Variants in KIF21A observed in about 807,000 individuals in gnomAD.
KIF21A encodes kinesin-like protein KIF21A.
A neutral mutation model predicts 202.9 loss-of-function variants in KIF21A; 114 were observed. The ratio of observed to expected loss-of-function variants is 0.56; its 90% CI spans 0.48 to 0.66. The LOEUF (loss-of-function observed/expected upper bound fraction) is 0.66, where lower values mean the gene tolerates loss of function less well. Among genes scored for constraint, KIF21A ranks in the 30% least tolerant of loss-of-function variants. The probability of loss-of-function intolerance (pLI) is 0.00; values close to 1 mark genes in which losing one functional copy is unlikely to be tolerated. For synonymous variants in KIF21A, 667 were observed against 670.8 expected (o/e 0.99, Z 0.09); for missense variants, 1,677 against 1,994.9 (o/e 0.84, Z 3.04).
At position 39,305,452 on chromosome 12, in the gene KIF21A, T is replaced by C. The variant is rs1943379532; in HGVS notation, c.4443-514A>G. ...CGGTGGCTATTCACAGGCATGATCA[T>C]GGCACACTGCAGTCTCAATCTCCTG... On this transcript the variant is annotated intron_variant, in intron 34 of 37. Coordinates refer to ENST00000361418, the MANE Select transcript of KIF21A (RefSeq NM_001173464.2). Among the ~76,000 whole-genome samples, 4 of 151,406 alleles carry C rather than the reference T, an allele frequency of 2.6e-5. No homozygotes were observed. The East Asian group carries it at 5.9e-4, about 22-fold the overall frequency.
At chr12:39,335,859 C>T (rs1288604732) in intron 17 of KIF21A, among the ~76,000 whole-genome samples, 1 of 152,110 alleles carries the variant, frequency 6.6e-6, no homozygotes, top group Non-Finnish European at 1.5e-5. Context: ...AAGAAATAAA[C>T]ATAACCAAAA....
intron 30 of KIF21A, 152 bp from the exon 31 acceptor site, chr12:39,315,392 AAC>A (rs1944423237): frequency 4.3e-6 from 3 of 703,822 alleles, no homozygotes; most frequent in Admixed American, 2.4e-5. Context: ...GAAAAAAAAT[AAC>A]AGTTATTTTT....
At position 39,436,438 on chromosome 12, in the gene KIF21A, ATATATATATATTTTTT is replaced by A. The variant is rs1361176781; in HGVS notation, c.44+6473_44+6488del. Reference sequence around the variant, plus strand: ...TTTACTATATTATATATATATATATATATATATATATTTTTTTTTTTTTTAGACAGGGTTTCATGTT... The same window carrying A: ...TTTACTATATTATATATATATATATATTTTTTTTAGACAGGGTTTCATGTT... On this transcript the variant is annotated intron_variant, in intron 1 of 37. Transcript: ENST00000361418. Among the ~76,000 whole-genome samples, 14 of 121,814 alleles carry A rather than the reference ATATATATATATTTTTT, an allele frequency of 1.1e-4. 1 individual carries two copies. The South Asian group carries it at 3.9e-3, about 34-fold the overall frequency. The allele number at this position is 121,814 out of a possible 152,430, so 79.9% of individuals were successfully genotyped here.
chr12:39,363,332 G>A (rs1342339101), intron 6 of KIF21A, 119 bp from the exon 7 acceptor site: 1 of 639,282 alleles, frequency 1.6e-6, no homozygotes. Flanking sequence ...GAATATTTGT[G>A]TTTGGTTTTG....
At chr12:39,341,126 G>C (rs1475388089) in intron 14 of KIF21A, 32 bp from the exon 15 acceptor site, 9 of 1,472,790 alleles carry the variant, frequency 6.1e-6, no homozygotes, top group Non-Finnish European at 8.4e-6. Context: ...AAAAATCCTG[G>C]TGCTAGGCCA....
intron 31 of KIF21A, 175 bp from the exon 32 acceptor site, chr12:39,311,728 A>T: frequency 1.5e-6 from 1 of 650,618 alleles, no homozygotes; most frequent in Non-Finnish European, 2.7e-6. Context: ...AATAATAGTG[A>T]TGGAGTATAT....
Position 39,421,866 on chromosome 12 carries a change from T to C in KIF21A, c.44+21061A>G, listed in dbSNP as rs1192853216. Reference sequence around the variant, plus strand: ...TACATATATAATTTATATATATAAATAATAAACATATATATGGCAGAAATA... The same window carrying C: ...TACATATATAATTTATATATATAAACAATAAACATATATATGGCAGAAATA... On this transcript the variant is annotated intron_variant, in intron 1 of 37. Coordinates refer to ENST00000361418, the MANE Select transcript of KIF21A (RefSeq NM_001173464.2). Among the ~76,000 whole-genome samples the C allele has an allele frequency of 2.0e-5, 3 of 147,712 alleles. No homozygotes were observed. The East Asian group carries it at 5.9e-4, about 29-fold the overall frequency.
Position 39,367,154 on chromosome 12 carries a change from C to T in KIF21A, c.611G>A (p.Cys204Tyr), listed in dbSNP as rs746150457. 3.1e-5 allele frequency: 50 copies of T among 1,613,906 alleles called. No homozygotes were observed. Among genetic ancestry groups the T allele is most frequent in the Non-Finnish European group, 4.2e-5 (50 of 1,179,886 alleles). Reference sequence around the variant, plus strand: ...CCGGGATAAAGCACCCAACTTCAAACACTGCATCATCTGAAAAAGGGGAAG... The same window carrying T: ...CCGGGATAAAGCACCCAACTTCAAATACTGCATCATCTGAAAAAGGGGAAG... ...TVNTESEMMQCLKLGALSRTT... is the reference protein window; with the variant it reads ...TVNTESEMMQYLKLGALSRTT... The change falls in exon 5 of 38, where the codon TGT becomes TAT. Residue 204 changes from cysteine to tyrosine, a missense_variant. By Grantham distance (194) the Cys-to-Tyr change is radical. This residue lies in a region of KIF21A where 966 missense variants were observed against 1,180.9 expected (regional missense o/e 0.82). Transcript: ENST00000361418.
chr12:39,314,028 T>A (rs2137449755), intron 31 of KIF21A, among the ~76,000 whole-genome samples: 1 of 151,502 alleles, frequency 6.6e-6, no homozygotes, highest in African/African-American at 2.4e-5. Flanking sequence ...AGAGCTGTCA[T>A]ATATAAACAA....
chr12:39,440,296 G>A (rs895137355), intron 1 of KIF21A, among the ~76,000 whole-genome samples: 1 of 152,168 alleles, frequency 6.6e-6, no homozygotes, highest in Non-Finnish European at 1.5e-5. Flanking sequence ...CACTTCCGCA[G>A]GGTTAATGGT....
At position 39,330,106 on chromosome 12, in the gene KIF21A, C is replaced by T. The variant is rs192222296; in HGVS notation, c.3340+136G>A. 1.9e-4 allele frequency: 140 copies of T among 749,332 alleles called. No homozygotes were observed. The African/African-American group carries it at 2.2e-3, about 12-fold the overall frequency. The allele number at this position is 749,332 out of a possible 1,614,324, so 46.4% of individuals were successfully genotyped here. On this transcript the variant is annotated intron_variant, in intron 24 of 37. Coordinates refer to ENST00000361418, the MANE Select transcript of KIF21A (RefSeq NM_001173464.2). ...CTTAGTGTGTTTGTGGGCATGGATACATTTCAAAAAAGATCATGCAAAAAC... is the reference window on the plus strand; with the variant it reads ...CTTAGTGTGTTTGTGGGCATGGATATATTTCAAAAAAGATCATGCAAAAAC...
chr12:39,421,756 T>C (rs1322737361), intron 1 of KIF21A, among the ~76,000 whole-genome samples: 1 of 146,448 alleles, frequency 6.8e-6, no homozygotes. Flanking sequence ...CATACACACA[T>C]ATATATTTAT....
At chr12:39,335,410 CAAAAAAAAA>C (rs1033088626) in intron 17 of KIF21A, among the ~76,000 whole-genome samples, 1 of 61,964 alleles carries the variant, frequency 1.6e-5, no homozygotes, top group Non-Finnish European at 3.5e-5. Flanking sequence ...GACTCTGTCT[CAAAAAAAAA>C]AAAAAAAAAA....
In KIF21A at chr12:39,443,070, C is replaced by A; in HGVS notation, c.-100G>T. The A allele has an allele frequency of 8.0e-7, 1 of 1,247,824 alleles. No individual in the cohort carries two copies. The highest frequency in any genetic ancestry group is 3.7e-5 in the Admixed American group (1 of 26,944). 77.3% of individuals were successfully genotyped at this position (1,247,824 alleles called of 1,614,324 possible). A position where few individuals can be genotyped will look rare whatever the true frequency, so the allele number is the denominator to read the frequency against. On this transcript the variant is annotated 5_prime_UTR_variant, in exon 1 of 38. Transcript: ENST00000361418. ...CGGGCGCAGTAGGCTGGGGCGTCTG[C>A]GGGCGGGCGGCCGGCTCACCTCCGC...
At chr12:39,326,023 T>G (rs1389911439) in intron 25 of KIF21A, 130 bp from the exon 26 acceptor site, 77 of 708,804 alleles carry the variant, frequency 1.1e-4, no homozygotes, top group Non-Finnish European at 1.4e-5. Flanking sequence ...ATATTTAAAG[T>G]CAAAATGAAT....
chr12:39,304,797 A>G, intron 35 of KIF21A, 24 bp downstream of exon 35: 1 of 1,141,736 alleles, frequency 8.8e-7, no homozygotes, highest in South Asian at 1.2e-5. Flanking sequence ...GACAAATATA[A>G]TTCAGAAAGT....
chr12:39,315,169 A>G (rs1944402581), intron 31 of KIF21A, 60 bp downstream of exon 31: 16 of 1,494,640 alleles, frequency 1.1e-5, no homozygotes, highest in Non-Finnish European at 1.4e-5. Flanking sequence ...TTCCATGCAA[A>G]CCTGTAAGGT....
intron 1 of KIF21A, among the ~76,000 whole-genome samples, chr12:39,435,305 A>C (rs1353067103): frequency 6.6e-6 from 1 of 152,218 alleles, no homozygotes; most frequent in Admixed American, 6.5e-5. Flanking sequence ...CAAATGTTCT[A>C]TTGTAATAGT....
intron 11 of KIF21A, among the ~76,000 whole-genome samples, chr12:39,350,933 T>C (rs1361872597): frequency 6.6e-6 from 1 of 152,042 alleles, no homozygotes; most frequent in East Asian, 1.9e-4. Flanking sequence ...ATTCCTCCTG[T>C]AACAAACCAG....
Sources: gnomAD v4.1 joint callset for allele counts (sites outside exome capture counted in the v4.1 genomes callset) on GRCh38, gnomAD v4.1.1 for gene constraint, gnomAD v4.1.1 regional missense constraint, MANE v1.5 for transcripts, NCBI Gene and HGNC (gene_info 2026-07-23, HGNC 2026-07-21) for gene names.